The following MAML2 variants were observed in gnomAD, a reference collection of about 807,000 sequenced individuals.
MAML2 encodes mastermind-like protein 2.
A neutral mutation model predicts 96.1 loss-of-function variants in MAML2; 22 were observed. The ratio of observed to expected loss-of-function variants is 0.23; its 90% confidence interval spans 0.16 to 0.33. The LOEUF is 0.33. MAML2 is among the 10% of genes least tolerant of loss of function. MAML2 has a pLI of 1.00. For synonymous variants in MAML2, 561 were observed against 521.3 expected, an observed-to-expected ratio of 1.08 and a Z score of -1.04; for missense variants, 1,367 against 1,392.4, an observed-to-expected ratio of 0.98 and a Z score of 0.29.
chr11:96,078,029 T>C (rs937498593), intron 2 of MAML2, among the ~76,000 whole-genome samples: 3 of 152,154 alleles, frequency 2.0e-5, no homozygotes, highest in African/African-American at 7.2e-5. Flanking sequence ...TGAAGGATTG[T>C]TCCTCTCTTC....
Position 96,121,780 on chromosome 11 carries a change from ATTTTTTTTTTT to A in MAML2, c.514-28274_514-28264del, listed in dbSNP as rs543373689. Reference sequence around the variant, plus strand: ...TCCATTCCATATTCCCAACTGCGTGATTTTTTTTTTTTTTTTTTTTTTTTGAGACGGAGTCT... The same window carrying A: ...TCCATTCCATATTCCCAACTGCGTGATTTTTTTTTTTTTGAGACGGAGTCT... On this transcript the variant is annotated intron_variant, in intron 1 of 4. Transcript: ENST00000524717. 3.9e-3 allele frequency among the ~76,000 whole-genome samples: 138 copies of A among 35,242 alleles called. 13 individuals carry two copies. The highest frequency in any genetic ancestry group is 9.0e-3 in the South Asian group (7 of 778). The allele number at this position is 35,242 out of a possible 152,430, so 23.1% of individuals were successfully genotyped here. A position where few individuals can be genotyped will look rare whatever the true frequency, so the allele number is the denominator to read the frequency against.
chr11:95,983,593 T>C (rs1023176597), intron 4 of MAML2, among the ~76,000 whole-genome samples: 2 of 152,216 alleles, frequency 1.3e-5, no homozygotes, highest in Admixed American at 6.5e-5. Flanking sequence ...AAATGTTTGA[T>C]GTGATGGTTA....
At chr11:96,235,946 C>G (rs768440460) in intron 1 of MAML2, among the ~76,000 whole-genome samples, 1 of 152,192 alleles carries the variant, frequency 6.6e-6, no homozygotes, top group African/African-American at 2.4e-5. Context: ...CACTGCACCC[C>G]CTTCCCAAGA....
At chr11:96,017,764 C>T (rs761895082) in intron 2 of MAML2, among the ~76,000 whole-genome samples, 1 of 151,964 alleles carries the variant, frequency 6.6e-6, no homozygotes, top group Non-Finnish European at 1.5e-5. Context: ...ATGTTTCATC[C>T]GCCTGAAGCC....
At chr11:96,133,144 T>C (rs1860572772) in intron 1 of MAML2, among the ~76,000 whole-genome samples, 1 of 152,200 alleles carries the variant, frequency 6.6e-6, no homozygotes, top group Non-Finnish European at 1.5e-5. Context: ...ATAAAGATAT[T>C]TCTTGATAAC....
intron 1 of MAML2, among the ~76,000 whole-genome samples, chr11:96,287,649 C>T (rs1312004837): frequency 3.9e-5 from 6 of 152,038 alleles, no homozygotes; most frequent in Non-Finnish European, 5.9e-5. Context: ...ATCATGGTCC[C>T]GACAGACAAT....
intron 1 of MAML2, among the ~76,000 whole-genome samples, chr11:96,182,957 CTTTTTTTT>C (rs11301035): frequency 9.2e-6 from 1 of 108,256 alleles, no homozygotes; most frequent in Non-Finnish European, 1.9e-5. Context: ...CCTTTCTTTT[CTTTTTTTT>C]TTTTTTTTTT....
At chr11:96,312,837 T>C (rs886084404) in intron 1 of MAML2, among the ~76,000 whole-genome samples, 5 of 152,220 alleles carry the variant, frequency 3.3e-5, no homozygotes, top group African/African-American at 9.6e-5. Flanking sequence ...CAGGAACTAA[T>C]TTCAGTTAGT....
At chr11:96,020,598 G>A (rs1229808067) in intron 2 of MAML2, among the ~76,000 whole-genome samples, 1 of 152,200 alleles carries the variant, frequency 6.6e-6, no homozygotes, top group Non-Finnish European at 1.5e-5. Flanking sequence ...TGATTCTGAT[G>A]CAGTGGATCC....
At chr11:96,217,074 G>A (rs1234306528) in intron 1 of MAML2, among the ~76,000 whole-genome samples, 2 of 152,180 alleles carry the variant, frequency 1.3e-5, no homozygotes, top group Non-Finnish European at 2.9e-5. Flanking sequence ...CAATATGTTC[G>A]AATTCAGTGG....
intron 2 of MAML2, among the ~76,000 whole-genome samples, chr11:95,995,688 T>C (rs1306226862): frequency 6.6e-6 from 1 of 152,186 alleles, no homozygotes; most frequent in Non-Finnish European, 1.5e-5. Context: ...ACAGATGTGG[T>C]GTGTTTGGCC....
In MAML2 at chr11:96,341,819, C is replaced by A. The variant is rs200971316; in HGVS notation, c.77G>T (p.Gly26Val). 6.3e-7 allele frequency: 1 copy of A among 1,593,754 alleles called. No individual in the cohort carries two copies. Among genetic ancestry groups the A allele is most frequent in the Non-Finnish European group, 8.5e-7 (1 of 1,173,238 alleles). Reference sequence around the variant, plus strand: ...ACTGTGCACTCTCGGGGTGACTGAGCCCCCTCCAAGGAGCCCCGCCCCAGA... The same window carrying A: ...ACTGTGCACTCTCGGGGTGACTGAGACCCCTCCAAGGAGCCCCGCCCCAGA... ...GASGAGLLGG[G>V]SVTPRVHSAI... The change falls in exon 1 of 5, where the codon GGC becomes GTC. Residue 26 changes from glycine to valine, a missense_variant. Transcript: ENST00000524717.
chr11:96,113,604 G>GGAA (rs1555011479), intron 1 of MAML2, among the ~76,000 whole-genome samples: 1 of 139,198 alleles, frequency 7.2e-6, no homozygotes, highest in African/African-American at 2.7e-5. Context: ...CCCGTTGTTT[G>GGAA]AAAAAAAAAA....
chr11:96,045,018 T>C (rs1858874044), intron 2 of MAML2, among the ~76,000 whole-genome samples: 1 of 152,064 alleles, frequency 6.6e-6, no homozygotes, highest in East Asian at 1.9e-4. Flanking sequence ...AGCACTTGGT[T>C]GAAAAAGCAA....
intron 1 of MAML2, among the ~76,000 whole-genome samples, chr11:96,152,617 T>C (rs1860941758): frequency 6.6e-6 from 1 of 152,212 alleles, no homozygotes; most frequent in African/African-American, 2.4e-5. Context: ...TTCAGTCTCC[T>C]GACACATGAA....
chr11:96,196,843 T>TC (rs1861739094), intron 1 of MAML2, among the ~76,000 whole-genome samples: 1 of 151,876 alleles, frequency 6.6e-6, no homozygotes, highest in African/African-American at 2.4e-5. Flanking sequence ...ACCTATACCT[T>TC]CTATAGTCCA....
In MAML2 at chr11:96,288,915, T is replaced by C. The variant is rs953524796; in HGVS notation, c.513+52468A>G. On this transcript the variant is annotated intron_variant, in intron 1 of 4. Coordinates refer to ENST00000524717, the MANE Select transcript of MAML2 (RefSeq NM_032427.4). ...TACTAATAAGCCAAGCCAGCACATG[T>C]TGAATTTTTAATATGTATGCTCTGA... 1.2e-4 allele frequency among the ~76,000 whole-genome samples: 18 copies of C among 152,306 alleles called. No homozygotes were observed. The East Asian group carries it at 3.5e-3, about 29-fold the overall frequency.
chr11:96,099,180 C>A (rs1050025526), intron 1 of MAML2, among the ~76,000 whole-genome samples: 8 of 152,104 alleles, frequency 5.3e-5, no homozygotes, highest in Non-Finnish European at 7.3e-5. Context: ...AAACTTTCCT[C>A]GGGCTATTTT....
At chr11:96,043,474 T>C (rs766114971) in intron 2 of MAML2, among the ~76,000 whole-genome samples, 1 of 152,228 alleles carries the variant, frequency 6.6e-6, no homozygotes, top group Non-Finnish European at 1.5e-5. Flanking sequence ...CTGCCAAATA[T>C]ACTTTAATGG....
Sources: allele counts gnomAD v4.1 joint callset (sites outside exome capture counted in the v4.1 genomes callset), GRCh38; gene constraint gnomAD v4.1.1; transcripts MANE v1.5; gene names NCBI Gene and HGNC (gene_info 2026-07-23, HGNC 2026-07-21).